Variants in TDRD3 observed in about 807,000 individuals in gnomAD.
TDRD3 encodes tudor domain containing 3, also known as tudor domain-containing protein 3.
TDRD3 carries 45 observed loss-of-function variants against 86.7 expected under a neutral mutation model. The ratio of observed to expected loss-of-function variants is 0.52; its 90% confidence interval spans 0.41 to 0.67. TDRD3 has a LOEUF of 0.67. TDRD3 is among the 30% of genes least tolerant of loss of function. TDRD3 has a pLI of 0.00. For missense variants in TDRD3, 814 were observed against 889.0 expected, an observed-to-expected ratio of 0.92 and a Z score of 1.07; for synonymous variants, 298 against 301.7, an observed-to-expected ratio of 0.99 and a Z score of 0.13.
intron 12 of TDRD3, among the ~76,000 whole-genome samples, chr13:60,561,612 A>G (rs1958334913): frequency 6.6e-6 from 1 of 152,222 alleles, no homozygotes; most frequent in Admixed American, 6.5e-5. Flanking sequence ...ATAAAAAAAT[A>G]TAAATCTGCT....
chr13:60,508,876 C>G (rs1353892515), intron 8 of TDRD3, among the ~76,000 whole-genome samples: 1 of 152,000 alleles, frequency 6.6e-6, no homozygotes, highest in African/African-American at 2.4e-5. Flanking sequence ...AATTACAAAG[C>G]CTACAAAAGG....
intron 2 of TDRD3, among the ~76,000 whole-genome samples, chr13:60,442,143 A>C (rs1281258664): frequency 6.6e-6 from 1 of 152,208 alleles, no homozygotes; most frequent in East Asian, 1.9e-4. Context: ...TTGGGGAGTA[A>C]GAATATTAAG....
intron 12 of TDRD3, among the ~76,000 whole-genome samples, chr13:60,560,431 ACTGT>A (rs1958305768): frequency 6.6e-6 from 1 of 152,170 alleles, no homozygotes; most frequent in Non-Finnish European, 1.5e-5. Flanking sequence ...CTTCTCTCCT[ACTGT>A]CTTTTTTGTA....
intron 3 of TDRD3, among the ~76,000 whole-genome samples, chr13:60,450,304 A>G (rs1955506438): frequency 6.6e-6 from 1 of 152,078 alleles, no homozygotes; most frequent in Admixed American, 6.6e-5. Context: ...ATTAATTTTT[A>G]AATACGAATA....
At position 60,529,086 on chromosome 13, in the gene TDRD3, A is replaced by T; in HGVS notation, c.1861A>T (p.Asn621Tyr). ...AVPCDDKIFY[N>Y]SGPKRRSGPI... ...ACCCTGTGATGATAAAATATTTTAC[A>T]ATAGTGGGCCCAAACGAAGATCTGG... is the stretch of plus-strand genomic sequence containing the variant. Residue 621 changes from asparagine (N) to tyrosine (Y), a missense_variant, in exon 11 of 14, where the codon AAT becomes TAT. By Grantham distance (143) the Asn-to-Tyr change is moderately radical. Coordinates refer to ENST00000377881, the MANE Select transcript of TDRD3 (RefSeq NM_001146070.2). The T allele has an allele frequency of 1.2e-6, 2 of 1,614,060 alleles. No homozygotes were observed. The highest frequency in any genetic ancestry group is 4.5e-5 in the East Asian group (2 of 44,856).
At chr13:60,464,433 T>C (rs767492561) in intron 4 of TDRD3, among the ~76,000 whole-genome samples, 8 of 152,234 alleles carry the variant, frequency 5.3e-5, no homozygotes, top group Admixed American at 2.0e-4. Context: ...AGTCAGCATA[T>C]TGAGGAAGCA....
At chr13:60,533,311 C>CT (rs1464183449) in intron 11 of TDRD3, among the ~76,000 whole-genome samples, 30 of 152,020 alleles carry the variant, frequency 2.0e-4, no homozygotes, top group Admixed American at 2.0e-3. Context: ...TTTTTGTTGC[C>CT]TGTAGCATTT....
At chr13:60,513,064 A>G (rs918582748) in intron 10 of TDRD3, among the ~76,000 whole-genome samples, 3 of 152,138 alleles carry the variant, frequency 2.0e-5, no homozygotes, top group South Asian at 2.1e-4. Flanking sequence ...GCATTTTCAT[A>G]TATCCTCTGA....
chr13:60,525,128 C>T (rs1957391246), intron 10 of TDRD3, among the ~76,000 whole-genome samples: 1 of 121,986 alleles, frequency 8.2e-6, no homozygotes, highest in African/African-American at 3.0e-5. Flanking sequence ...TTTTCACTTT[C>T]TACCTCTGTG....
intron 1 of TDRD3, among the ~76,000 whole-genome samples, chr13:60,411,791 C>T (rs1205234445): frequency 6.6e-6 from 1 of 152,076 alleles, no homozygotes; most frequent in Non-Finnish European, 1.5e-5. Context: ...AATCTCAAAC[C>T]TCACCAGCAT....
intron 12 of TDRD3, among the ~76,000 whole-genome samples, chr13:60,549,016 T>A (rs535419575): frequency 1.3e-5 from 2 of 152,268 alleles, no homozygotes; most frequent in African/African-American, 4.8e-5. Flanking sequence ...TTGTCATTCA[T>A]CTGCTGGATG....
intron 10 of TDRD3, among the ~76,000 whole-genome samples, chr13:60,518,947 A>G (rs1957229080): frequency 6.6e-6 from 1 of 152,216 alleles, no homozygotes; most frequent in Admixed American, 6.5e-5. Context: ...TTTTTGAAAG[A>G]TGTTATATCT....
chr13:60,428,906 A>C (rs1209636666), intron 1 of TDRD3, among the ~76,000 whole-genome samples: 1 of 152,202 alleles, frequency 6.6e-6, no homozygotes, highest in African/African-American at 2.4e-5. Context: ...CCAGTCTCCA[A>C]GGGCCTTTAA....
chr13:60,452,492 T>G (rs555414515), intron 3 of TDRD3, among the ~76,000 whole-genome samples: 11 of 152,064 alleles, frequency 7.2e-5, no homozygotes, highest in South Asian at 2.1e-4. Context: ...TTCTGTATAT[T>G]CTTTTGAGTT....
chr13:60,437,249 C>T (rs1223545320), intron 1 of TDRD3, among the ~76,000 whole-genome samples: 1 of 151,166 alleles, frequency 6.6e-6, no homozygotes, highest in African/African-American at 2.4e-5. Context: ...GCCTCAGCCT[C>T]CCGAGTAGCT....
chr13:60,485,784 T>C lies in TDRD3; in HGVS notation c.568-15T>C. 1 of 1,555,256 alleles carries C rather than the reference T, an allele frequency of 6.4e-7. No homozygotes were observed. The highest frequency in any genetic ancestry group is 8.7e-7 in the Non-Finnish European group (1 of 1,153,040). On this transcript the variant is annotated splice_polypyrimidine_tract_variant and intron_variant, in intron 6 of 13. Transcript: ENST00000377881. ...TGGAACTACTAAGTTGACTTATTCT[T>C]ACTTGTTTTACTAGAAGTGTGTATC...
chr13:60,423,990 C>T (rs1366805505), intron 1 of TDRD3, among the ~76,000 whole-genome samples: 1 of 152,002 alleles, frequency 6.6e-6, no homozygotes, highest in Admixed American at 6.6e-5. Flanking sequence ...CTGATGTTTT[C>T]TCTCCCTGGC....
chr13:60,428,734 G>A (rs1954875965), intron 1 of TDRD3, among the ~76,000 whole-genome samples: 1 of 152,152 alleles, frequency 6.6e-6, no homozygotes, highest in Non-Finnish European at 1.5e-5. Flanking sequence ...CCACAGAGAA[G>A]ACAGTGGTTC....
chr13:60,438,688 TG>T (rs1166390591), intron 1 of TDRD3, among the ~76,000 whole-genome samples: 1 of 152,126 alleles, frequency 6.6e-6, no homozygotes, highest in Non-Finnish European at 1.5e-5. Flanking sequence ...TTGCTATTTC[TG>T]GGTAAGGTTT....
Sources: gnomAD v4.1 joint callset for allele counts (sites outside exome capture counted in the v4.1 genomes callset) on GRCh38, gnomAD v4.1.1 for gene constraint, MANE v1.5 for transcripts, NCBI Gene and HGNC (gene_info 2026-07-23, HGNC 2026-07-21) for gene names.